ASCC2: variants seen among roughly 807,000 people sequenced by gnomAD.
ASCC2 encodes ASC-1 complex subunit P100.
In ASCC2, 42 loss-of-function variants were observed where a neutral mutation model predicts 93.5. The ratio of observed to expected loss-of-function variants is 0.45; its 90% confidence interval spans 0.35 to 0.58. The LOEUF is 0.58. ASCC2 is among the 20% of genes least tolerant of loss of function. The pLI is 0.00. For missense variants in ASCC2, 859 were observed against 977.6 expected (o/e 0.88, Z 1.62); for synonymous variants, 364 against 384.2 (o/e 0.95, Z 0.62).
intron 2 of ASCC2, chr22:29,827,535 C>A: frequency 2.1e-6 from 1 of 470,120 alleles, no homozygotes; most frequent in South Asian, 1.6e-5. Flanking sequence ...GGCCACCTCT[C>A]ATGTGGGTCT....
intron 2 of ASCC2, among the ~76,000 whole-genome samples, chr22:29,829,283 G>A (rs2062823396): frequency 6.6e-6 from 1 of 152,192 alleles, no homozygotes; most frequent in Non-Finnish European, 1.5e-5. Flanking sequence ...TAAAAGGGGA[G>A]GACTGGTCTT....
At chr22:29,806,635 A>C (rs2059704494) in intron 10 of ASCC2, 82 bp from the exon 11 acceptor site, 5 of 1,478,308 alleles carry the variant, frequency 3.4e-6, no homozygotes, top group Middle Eastern at 1.7e-4. Flanking sequence ...GCCCCTCTTT[A>C]AGGCTGGGGC....
At position 29,825,475 on chromosome 22, in the gene ASCC2, G is replaced by C. The variant is rs1039087437; in HGVS notation, c.240+147C>G. On this transcript the variant is annotated intron_variant, in intron 3 of 19. Transcript: ENST00000307790. The surrounding 1 kb of genome is among the most constrained non-coding windows in gnomAD (Gnocchi z 4.9). Reference sequence around the variant, plus strand: ...AACATTAAGATTGTGATACAAGACAGAGCAATCCGAACCACAATTTGCTGT... The same window carrying C: ...AACATTAAGATTGTGATACAAGACACAGCAATCCGAACCACAATTTGCTGT... 1 of 1,232,624 alleles carries C rather than the reference G, an allele frequency of 8.1e-7. No individual in the cohort carries two copies. Among genetic ancestry groups the C allele is most frequent in the Non-Finnish European group, 1.2e-6 (1 of 865,160 alleles). 76.4% of individuals were successfully genotyped at this position (1,232,624 alleles called of 1,614,324 possible). A position where few individuals can be genotyped will look rare whatever the true frequency, so the allele number is the denominator to read the frequency against.
intron 15 of ASCC2, among the ~76,000 whole-genome samples, chr22:29,799,705 C>T (rs1457784799): frequency 6.6e-6 from 1 of 152,250 alleles, no homozygotes; most frequent in African/African-American, 2.4e-5. Context: ...TTTTGCTGTT[C>T]TCTACTTGGA....
At chr22:29,822,303 G>T (rs1202389706) in intron 5 of ASCC2, 32 bp downstream of exon 5, 3 of 1,611,044 alleles carry the variant, frequency 1.9e-6, no homozygotes, top group Non-Finnish European at 1.7e-6. Flanking sequence ...GGGCCATCTT[G>T]GTGCATCCTC....
At chr22:29,817,269 G>A (rs1371757307) in intron 5 of ASCC2, among the ~76,000 whole-genome samples, 1 of 152,006 alleles carries the variant, frequency 6.6e-6, no homozygotes, top group African/African-American at 2.4e-5. Context: ...ACTCCTGATA[G>A]GCAAGGAAAG....
rs3838960 is a variant in ASCC2, at chr22:29,838,203, TGCCGCCGCCGCCGCC to T, written c.-58_-44del. 8 of 459,158 alleles carry T rather than the reference TGCCGCCGCCGCCGCC, an allele frequency of 1.7e-5. No homozygotes were observed. Among genetic ancestry groups the T allele is most frequent in the Non-Finnish European group, 3.1e-5 (7 of 228,600 alleles). 28.4% of individuals were successfully genotyped at this position (459,158 alleles called of 1,614,324 possible). ...CTCGGCGGCTCCACCACCGGCTCTG[TGCCGCCGCCGCCGCC>T]GCCGCCGCCGACCACGGTGACAGCT... On this transcript the variant is annotated 5_prime_UTR_variant, in exon 1 of 20. Coordinates refer to ENST00000307790, the MANE Select transcript of ASCC2 (RefSeq NM_032204.5).
intron 6 of ASCC2, among the ~76,000 whole-genome samples, chr22:29,815,731 T>C (rs1356828061): frequency 1.3e-5 from 2 of 152,248 alleles, no homozygotes; most frequent in Non-Finnish European, 2.9e-5. Flanking sequence ...TAGAGGCATA[T>C]GGCTGTTGGC....
At chr22:29,832,169 G>A in intron 2 of ASCC2, 76 bp downstream of exon 2, 1 of 1,301,118 alleles carries the variant, frequency 7.7e-7, no homozygotes, top group Non-Finnish European at 1.1e-6. Flanking sequence ...AACAGATAAA[G>A]ACGGAATTTA....
At chr22:29,827,022 C>T (rs1431033906) in intron 2 of ASCC2, among the ~76,000 whole-genome samples, 1 of 144,242 alleles carries the variant, frequency 6.9e-6, no homozygotes, top group Admixed American at 7.3e-5. Flanking sequence ...GGCGTGAACC[C>T]GGGAGGCAGA....
intron 6 of ASCC2, among the ~76,000 whole-genome samples, chr22:29,815,596 T>C (rs1034885074): frequency 1.3e-5 from 2 of 152,158 alleles, no homozygotes; most frequent in African/African-American, 4.8e-5. Flanking sequence ...TATGAGGGAA[T>C]GATAATGTTC....
chr22:29,823,715 G>T (rs143488763), intron 4 of ASCC2, among the ~76,000 whole-genome samples: 1,707 of 152,232 alleles, frequency 0.011, 30 homozygotes, highest in African/African-American at 0.037. Context: ...GGGAGTGGTG[G>T]CACATGCCTG....
intron 2 of ASCC2, among the ~76,000 whole-genome samples, chr22:29,829,135 C>A (rs1159425617): frequency 1.3e-5 from 2 of 152,002 alleles, no homozygotes; most frequent in East Asian, 3.9e-4. Context: ...GAGATCATGC[C>A]ACTGCACCCC....
chr22:29,813,715 C>T (rs1015190233), intron 7 of ASCC2, among the ~76,000 whole-genome samples, 173 bp from the exon 8 acceptor site: 5 of 152,178 alleles, frequency 3.3e-5, no homozygotes, highest in East Asian at 1.9e-4. Context: ...TTCAGGAGCA[C>T]GATCTGGGTG....
At position 29,802,209 on chromosome 22, in the gene ASCC2, C is replaced by T; in HGVS notation, c.1354-1G>A. ...CCACAGCCGCGGCTGCTCCCATGCA[C>T]TGTAGTGAGAGCCAGAGCCAAGAAG... On this transcript the variant is annotated splice_acceptor_variant, in intron 13 of 19. Transcript: ENST00000307790. LOFTEE classifies it high-confidence loss of function. 1.9e-6 allele frequency: 3 copies of T among 1,613,904 alleles called. No homozygotes were observed. The highest frequency in any genetic ancestry group is 2.5e-6 in the Non-Finnish European group (3 of 1,180,008).
At chr22:29,827,975 ACACAC>A in intron 2 of ASCC2, among the ~76,000 whole-genome samples, 1 of 122,974 alleles carries the variant, frequency 8.1e-6, no homozygotes, top group African/African-American at 3.3e-5. Context: ...ACACACACAC[ACACAC>A]CCCTGAGATT....
At chr22:29,800,459 G>T (rs182616267) in intron 15 of ASCC2, among the ~76,000 whole-genome samples, 4 of 152,282 alleles carry the variant, frequency 2.6e-5, no homozygotes, top group African/African-American at 9.6e-5. Flanking sequence ...CCAGAGCCTA[G>T]AATGCTGTAA....
Position 29,809,645 on chromosome 22 carries a change from G to C in ASCC2, c.834-1460C>G, listed in dbSNP as rs565095605. ...AATACGAAAATTAGCTAGGCATGGGGGCGGGCACCTGTAATCCCAGCTACT... is the reference window on the plus strand; with the variant it reads ...AATACGAAAATTAGCTAGGCATGGGCGCGGGCACCTGTAATCCCAGCTACT... On this transcript the variant is annotated intron_variant, in intron 8 of 19. Transcript: ENST00000307790. Among the ~76,000 whole-genome samples the C allele has an allele frequency of 6.6e-5, 10 of 152,078 alleles. No individual in the cohort carries two copies. The South Asian group carries it at 2.1e-3, about 32-fold the overall frequency.
chr22:29,801,911 T>A, intron 14 of ASCC2, 83 bp downstream of exon 14: 1 of 1,161,054 alleles, frequency 8.6e-7, no homozygotes, highest in South Asian at 1.4e-5. Flanking sequence ...TCCTGGGCCA[T>A]GAATGAGGGA....
Sources: gnomAD v4.1 joint callset for allele counts (sites outside exome capture counted in the v4.1 genomes callset) on GRCh38, gnomAD v4.1.1 for gene constraint, Gnocchi (gnomAD v3.1) non-coding constraint, MANE v1.5 for transcripts, NCBI Gene and HGNC (gene_info 2026-07-23, HGNC 2026-07-21) for gene names.